The following HSPA12A variants were observed in gnomAD, a reference collection of about 807,000 sequenced individuals.
HSPA12A encodes the protein heat shock 70 kDa protein 12A.
A neutral mutation model predicts 69.2 loss-of-function variants in HSPA12A; 28 were observed. The ratio of observed to expected loss-of-function variants is 0.40; its 90% CI spans 0.30 to 0.55. The LOEUF is 0.55. Among genes scored for constraint, HSPA12A ranks in the 20% least tolerant of loss-of-function variants. HSPA12A has a pLI of 0.38. For missense variants in HSPA12A, 686 were observed against 900.7 expected, an observed-to-expected ratio of 0.76 and a Z score of 3.05; for synonymous variants, 345 against 370.5, an observed-to-expected ratio of 0.93 and a Z score of 0.79.
At chr10:116,849,623 G>A in exon 1 of HSPA12A, 5 of 1,550,264 alleles carry the variant, frequency 3.2e-6, no homozygotes, top group South Asian at 1.2e-5. Context: ...TGCAGAAGCT[G>A]AAGCAGCAGG....
At chr10:116,776,488 A>G (rs1844341622) in intron 2 of HSPA12A, among the ~76,000 whole-genome samples, 1 of 152,246 alleles carries the variant, frequency 6.6e-6, no homozygotes, top group South Asian at 2.1e-4. Flanking sequence ...TATATTTAGA[A>G]AGAAGCTTTG....
At chr10:116,845,833 TA>T (rs1039596052) in intron 1 of HSPA12A, among the ~76,000 whole-genome samples, 1 of 152,198 alleles carries the variant, frequency 6.6e-6, no homozygotes, top group African/African-American at 2.4e-5. Flanking sequence ...ACCCCACAAA[TA>T]TTTCCTAATA....
chr10:116,676,551 T>G, intron 10 of HSPA12A, 49 bp from the exon 11 acceptor site: 1 of 1,376,222 alleles, frequency 7.3e-7, no homozygotes, highest in Non-Finnish European at 1.0e-6. Context: ...GTCTACACGA[T>G]ACCCAGGCTT....
intron 2 of HSPA12A, among the ~76,000 whole-genome samples, chr10:116,785,278 C>G (rs865931957): frequency 1.3e-5 from 2 of 152,040 alleles, no homozygotes; most frequent in Non-Finnish European, 2.9e-5. Flanking sequence ...GGAACACAGG[C>G]AAGGACTGAT....
chr10:116,820,855 A>C (rs751539970), intron 2 of HSPA12A, among the ~76,000 whole-genome samples: 11 of 152,040 alleles, frequency 7.2e-5, no homozygotes, highest in Non-Finnish European at 1.5e-4. Context: ...CCAAATCAGC[A>C]GGTTCCACCC....
chr10:116,839,629 A>C (rs1284032997), intron 1 of HSPA12A, among the ~76,000 whole-genome samples: 1 of 148,892 alleles, frequency 6.7e-6, no homozygotes, highest in African/African-American at 2.6e-5. Flanking sequence ...AAAAAAAAAA[A>C]ACCTAAAATC....
intron 2 of HSPA12A, among the ~76,000 whole-genome samples, chr10:116,761,238 C>T (rs1024313432): frequency 7.2e-5 from 11 of 152,148 alleles, no homozygotes; most frequent in East Asian, 1.9e-4. Context: ...GTAATCCCAG[C>T]GCTTTGGGAG....
rs1554888205 is a variant in HSPA12A at position 116,750,274 on chromosome 10, G to A, written c.92-42989C>T. The A allele has an allele frequency of 9.8e-6, 8 of 815,410 alleles. No individual in the cohort carries two copies. In the Admixed American group the frequency reaches 1.4e-4, roughly 14 times the overall value. The allele number at this position is 815,410 out of a possible 1,614,324, so 50.5% of individuals were successfully genotyped here. ...AGATCTATGAAGGCCAAGTGGAGGT[G>A]ACTGGTGATGAATACAATGTAGAAA... On this transcript the variant is annotated intron_variant, in intron 2 of 12. Transcript: ENST00000635765.
intron 6 of HSPA12A, among the ~76,000 whole-genome samples, chr10:116,684,914 A>C (rs1380712965): frequency 5.3e-5 from 8 of 151,952 alleles, no homozygotes; most frequent in Admixed American, 5.2e-4. Flanking sequence ...CCTTCTGAGG[A>C]TGCTCAGAGA....
chr10:116,821,019 T>C (rs1334436885), intron 2 of HSPA12A, among the ~76,000 whole-genome samples: 1 of 152,108 alleles, frequency 6.6e-6, no homozygotes, highest in Non-Finnish European at 1.5e-5. Context: ...AAAATCTGTC[T>C]GCTTCTCACC....
chr10:116,680,886 A>G (rs1849382432), intron 9 of HSPA12A, among the ~76,000 whole-genome samples: 1 of 152,210 alleles, frequency 6.6e-6, no homozygotes, highest in Non-Finnish European at 1.5e-5. Context: ...ATCCTTTCGG[A>G]ATTTTCAGAA....
intron 1 of HSPA12A, among the ~76,000 whole-genome samples, chr10:116,726,153 T>C (rs950138453): frequency 1.3e-5 from 2 of 152,132 alleles, no homozygotes; most frequent in Non-Finnish European, 2.9e-5. Flanking sequence ...CCTCAGGCTC[T>C]GTCCCCTGGC....
At chr10:116,788,866 A>AT (rs34187640) in intron 2 of HSPA12A, among the ~76,000 whole-genome samples, 54,572 of 138,622 alleles carry the variant, frequency 0.39, 11,237 homozygotes, top group Admixed American at 0.48. Flanking sequence ...CTACGCAGCT[A>AT]TTTTTTTTTT....
chr10:116,706,989 T>C (rs1665680), intron 2 of HSPA12A, among the ~76,000 whole-genome samples: 152,053 of 152,294 alleles, frequency 1, 75,907 homozygotes, highest in Non-Finnish European at 1. Context: ...CTTCCCAGGC[T>C]CGGAGTGGGG....
chr10:116,752,057 G>A (rs557037509), intron 2 of HSPA12A, among the ~76,000 whole-genome samples: 5 of 152,192 alleles, frequency 3.3e-5, no homozygotes, highest in Non-Finnish European at 7.3e-5. Context: ...AAAATGGACC[G>A]ACACGTATGC....
intron 2 of HSPA12A, chr10:116,834,914 A>C: frequency 8.3e-7 from 1 of 1,204,658 alleles, no homozygotes; most frequent in Admixed American, 4.2e-5. Flanking sequence ...TGATACTTAC[A>C]CACATTAGTT....
intron 2 of HSPA12A, among the ~76,000 whole-genome samples, chr10:116,808,389 T>C (rs1845109479): frequency 6.6e-6 from 1 of 152,160 alleles, no homozygotes; most frequent in Non-Finnish European, 1.5e-5. Flanking sequence ...CTTCCTCCTC[T>C]GTTGGTCGCC....
chr10:116,822,951 C>G (rs1054642711), intron 2 of HSPA12A, among the ~76,000 whole-genome samples: 18 of 152,170 alleles, frequency 1.2e-4, no homozygotes, highest in African/African-American at 4.3e-4. Flanking sequence ...TAGCAGCAGA[C>G]GACTTAAAAA....
At chr10:116,677,984 CTTT>C (rs5788184) in intron 10 of HSPA12A, among the ~76,000 whole-genome samples, 1 of 148,376 alleles carries the variant, frequency 6.7e-6, no homozygotes. Flanking sequence ...GAAATTGATT[CTTT>C]TTTTTTTTTT....
Sources: gnomAD v4.1 joint callset for allele counts (sites outside exome capture counted in the v4.1 genomes callset) on GRCh38, gnomAD v4.1.1 for gene constraint, MANE v1.5 for transcripts, NCBI Gene and HGNC (gene_info 2026-07-23, HGNC 2026-07-21) for gene names.